H2BK1: variants seen among roughly 807,000 people sequenced by gnomAD.
H2BK1 encodes the protein histone H2B type 2-K1.
the H2BK1 span, among the ~76,000 whole-genome samples, chr7:151,208,316 T>C: frequency 6.6e-6 from 1 of 152,208 alleles, no homozygotes; most frequent in Non-Finnish European, 1.5e-5. Flanking sequence ...TATCTAAGTT[T>C]TTTAAAAGAA....
At chr7:151,210,407 C>G in the H2BK1 span, 8 of 192,902 alleles carry the variant, frequency 4.1e-5, no homozygotes, top group African/African-American at 3.1e-4. Flanking sequence ...TGGGGACATG[C>G]ACCTGGGAGG....
At chr7:151,210,075 G>A in the H2BK1 span, 1 of 396,202 alleles carries the variant, frequency 2.5e-6, no homozygotes. Flanking sequence ...AGGCCTGCCT[G>A]AGCCACTTGC....
the H2BK1 span, among the ~76,000 whole-genome samples, chr7:151,209,725 GT>G: frequency 2.0e-5 from 3 of 152,106 alleles, no homozygotes; most frequent in Non-Finnish European, 4.4e-5. Context: ...CAAGCTGTTT[GT>G]CTATAAGGTG....
At chr7:151,210,316 C>T in the H2BK1 span, 1 of 397,504 alleles carries the variant, frequency 2.5e-6, no homozygotes. Context: ...ACTCAGCGCT[C>T]ATCCTCCTGC....
chr7:151,210,040 A>G, the H2BK1 span: 2 of 394,452 alleles, frequency 5.1e-6, no homozygotes, highest in Non-Finnish European at 8.9e-6. Context: ...CTCAAAAACC[A>G]GGTCCCGCCA....
chr7:151,210,317 A>T, the H2BK1 span: 13 of 397,836 alleles, frequency 3.3e-5, no homozygotes, highest in Non-Finnish European at 5.3e-5. Context: ...CTCAGCGCTC[A>T]TCCTCCTGCT....
the H2BK1 span, among the ~76,000 whole-genome samples, chr7:151,209,177 C>T: frequency 6.6e-6 from 1 of 151,960 alleles, no homozygotes. Context: ...CAATTTTTGC[C>T]CCTCAAAGTC....
chr7:151,210,436 G>A, the H2BK1 span: 1 of 371,258 alleles, frequency 2.7e-6, no homozygotes, highest in Non-Finnish European at 4.8e-6. Context: ...GGGCAGGTGG[G>A]AGGTAAGGGG....
the H2BK1 span, chr7:151,210,235 A>G: frequency 2.5e-6 from 1 of 399,180 alleles, no homozygotes; most frequent in Non-Finnish European, 4.4e-6. Flanking sequence ...CCTTGCGCCG[A>G]CAGCGCTTTT....
chr7:151,207,914 GAC>G, the H2BK1 span: 1 of 1,148,992 alleles, frequency 8.7e-7, no homozygotes, highest in Non-Finnish European at 1.3e-6. Context: ...GGTGCCCTCA[GAC>G]ACAGCGTGCT....
chr7:151,210,285 C>T, the H2BK1 span: 12 of 399,080 alleles, frequency 3.0e-5, no homozygotes, highest in Middle Eastern at 6.2e-4. Context: ...CCACGGCCCC[C>T]GGGCTGCTGC....
At chr7:151,207,985 G>A in the H2BK1 span, 1 of 1,498,454 alleles carries the variant, frequency 6.7e-7, no homozygotes, top group Non-Finnish European at 9.3e-7. Context: ...GGGATGTCAG[G>A]GTGGTCCGGC....
At chr7:151,209,870 C>A in the H2BK1 span, among the ~76,000 whole-genome samples, 1 of 152,234 alleles carries the variant, frequency 6.6e-6, no homozygotes, top group Non-Finnish European at 1.5e-5. Flanking sequence ...GGCACCTGAT[C>A]ACCTTCAGCC....
chr7:151,209,099 A>T, the H2BK1 span, among the ~76,000 whole-genome samples: 1 of 151,996 alleles, frequency 6.6e-6, no homozygotes, highest in Non-Finnish European at 1.5e-5. Context: ...CCAGATCAGG[A>T]GGTTGAGGGG....
At chr7:151,209,044 A>T in the H2BK1 span, among the ~76,000 whole-genome samples, 1 of 147,112 alleles carries the variant, frequency 6.8e-6, no homozygotes, top group East Asian at 2.1e-4. Flanking sequence ...TTCTGCCCAA[A>T]CCCCCTCTGC....
At chr7:151,209,856 GT>G in the H2BK1 span, among the ~76,000 whole-genome samples, 1 of 152,228 alleles carries the variant, frequency 6.6e-6, no homozygotes, top group Non-Finnish European at 1.5e-5. Context: ...ATCATAATGT[GT>G]TTGGCACCTG....
the H2BK1 span, among the ~76,000 whole-genome samples, chr7:151,208,860 T>C: frequency 6.6e-6 from 1 of 152,204 alleles, no homozygotes; most frequent in Non-Finnish European, 1.5e-5. Flanking sequence ...AGTTCTAAAA[T>C]GTGAGTAGGT....
At chr7:151,210,305 T>C in the H2BK1 span, 4 of 397,850 alleles carry the variant, frequency 1.0e-5, no homozygotes, top group East Asian at 1.4e-4. Flanking sequence ...CCGCTGTCCA[T>C]ACTCAGCGCT....
chr7:151,208,146 C>A, the H2BK1 span: 4 of 1,605,700 alleles, frequency 2.5e-6, no homozygotes, highest in Non-Finnish European at 3.4e-6. Context: ...ATGGAAGGGG[C>A]CAGGGGAGGG....
Sources: allele counts gnomAD v4.1 joint callset (sites outside exome capture counted in the v4.1 genomes callset), GRCh38; gene constraint gnomAD v4.1.1; transcripts MANE v1.5; gene names NCBI Gene and HGNC (gene_info 2026-07-23, HGNC 2026-07-21).